PDE8B: variants seen among roughly 807,000 people sequenced by gnomAD.
PDE8B encodes the protein high affinity cAMP-specific and IBMX-insensitive 3',5'-cyclic phosphodiesterase 8B.
Under a neutral mutation model 101.3 loss-of-function variants are expected in PDE8B, and 26 were observed. That is an observed-to-expected ratio of 0.26 (90% confidence interval 0.19 to 0.36). PDE8B has a LOEUF of 0.36. Ranked by LOEUF, PDE8B falls within the 10% of genes least tolerant of loss-of-function variation. The pLI, the probability that PDE8B is intolerant of heterozygous loss-of-function variation, is 1.00. For synonymous variants in PDE8B, 424 were observed against 429.3 expected (o/e 0.99, Z 0.15); for missense variants, 810 against 1,163.1 (o/e 0.70, Z 4.42).
At chr5:77,125,150 G>A in the PDE8B span, among the ~76,000 whole-genome samples, 2 of 152,120 alleles carry the variant, frequency 1.3e-5, no homozygotes, top group Non-Finnish European at 2.9e-5. Context: ...GCACCGCCAT[G>A]CCAGCTAAAT....
At chr5:77,414,006 C>T (rs372174697) in intron 17 of PDE8B, among the ~76,000 whole-genome samples, 1 of 152,186 alleles carries the variant, frequency 6.6e-6, no homozygotes, top group Non-Finnish European at 1.5e-5. Flanking sequence ...TTTGCTACAA[C>T]TAGAACTAAA....
chr5:77,326,396 C>A (rs1368663057), intron 3 of PDE8B, among the ~76,000 whole-genome samples: 2 of 152,176 alleles, frequency 1.3e-5, no homozygotes, highest in Non-Finnish European at 2.9e-5. Context: ...AATGCTAGAC[C>A]AAGACAGAGT....
intron 11 of PDE8B, among the ~76,000 whole-genome samples, chr5:77,403,846 T>C (rs914098774): frequency 1.3e-5 from 2 of 152,190 alleles, no homozygotes; most frequent in South Asian, 4.2e-4. Flanking sequence ...GAGACAGAGT[T>C]TCACTCTTTT....
chr5:77,246,295 TG>T (rs1159147129), intron 1 of PDE8B, among the ~76,000 whole-genome samples: 1 of 152,110 alleles, frequency 6.6e-6, no homozygotes, highest in Non-Finnish European at 1.5e-5. Flanking sequence ...CTTGTGGGCG[TG>T]GGGGGTTCCC....
chr5:77,206,952 T>C (rs894313010), upstream of PDE8B, among the ~76,000 whole-genome samples: 4 of 152,234 alleles, frequency 2.6e-5, 1 homozygote, highest in Admixed American at 2.0e-4. Context: ...CTGGAGATCA[T>C]CTAGGAAATT....
intron 4 of PDE8B, 153 bp from the exon 5 acceptor site, chr5:77,331,248 TC>T (rs1777063234): frequency 1.3e-6 from 1 of 757,410 alleles, no homozygotes; most frequent in Non-Finnish European, 2.4e-6. Context: ...GGGGTCTGTA[TC>T]CTTGAAGGCA....
At chr5:77,255,900 G>T (rs1314257206) in intron 1 of PDE8B, among the ~76,000 whole-genome samples, 1 of 152,202 alleles carries the variant, frequency 6.6e-6, no homozygotes, top group Non-Finnish European at 1.5e-5. Context: ...TGGACTCTGG[G>T]AAGGGGAAAT....
the PDE8B span, among the ~76,000 whole-genome samples, chr5:77,161,120 A>G: frequency 6.6e-6 from 1 of 152,220 alleles, no homozygotes; most frequent in Non-Finnish European, 1.5e-5. Flanking sequence ...CATTTAAAGT[A>G]TATAATTCAG....
chr5:77,258,529 AACTGAAAACAGTAGGTG>A (rs1449057751), intron 1 of PDE8B, among the ~76,000 whole-genome samples: 1 of 152,128 alleles, frequency 6.6e-6, no homozygotes, highest in Non-Finnish European at 1.5e-5. Flanking sequence ...CACAGCCTAA[AACTGAAAACAGTAGGTG>A]ACAAAGAACC....
chr5:77,372,460 CCTT>C (rs753686801), intron 10 of PDE8B, among the ~76,000 whole-genome samples: 10 of 152,294 alleles, frequency 6.6e-5, no homozygotes, highest in South Asian at 4.1e-4. Context: ...AATATTCCCT[CCTT>C]CTCTATTTTC....
the PDE8B span, among the ~76,000 whole-genome samples, chr5:77,116,565 A>G: frequency 1.3e-5 from 2 of 152,182 alleles, no homozygotes. Context: ...TTCTAAGGAC[A>G]CAGTTTTAAT....
rs140369075 is a variant in PDE8B at position 77,391,284 on chromosome 5, G to A, written c.1168-8964G>A. ...TCAGCTTCAGTGAAAACCCAGCACC[G>A]CTGGGGTGTGACAGGGGAAGGTCTG... is the stretch of plus-strand genomic sequence containing the variant. On this transcript the variant is annotated intron_variant, in intron 10 of 21. Coordinates refer to ENST00000264917, the MANE Select transcript of PDE8B (RefSeq NM_003719.5). 1.9e-3 allele frequency among the ~76,000 whole-genome samples: 285 copies of A among 152,298 alleles called. 4 individuals are homozygous for A. The highest frequency in any genetic ancestry group is 6.3e-3 in the African/African-American group (263 of 41,558).
At chr5:77,396,346 C>T (rs1415037935) in intron 10 of PDE8B, among the ~76,000 whole-genome samples, 2 of 152,220 alleles carry the variant, frequency 1.3e-5, no homozygotes, top group South Asian at 2.1e-4. Context: ...GACAGACCCA[C>T]ATTTGAGCTT....
chr5:77,116,230 T>A, the PDE8B span, among the ~76,000 whole-genome samples: 322 of 30,788 alleles, frequency 0.01, no homozygotes, highest in Middle Eastern at 0.014. Context: ...ATATATTTTT[T>A]TTTTTTTTTT....
chr5:77,403,471 C>T (rs1430678114), intron 11 of PDE8B, among the ~76,000 whole-genome samples: 3 of 152,020 alleles, frequency 2.0e-5, no homozygotes, highest in Non-Finnish European at 4.4e-5. Context: ...GAATTAATCT[C>T]GTAATTTAAA....
At chr5:77,247,604 G>A (rs1258690617) in intron 1 of PDE8B, among the ~76,000 whole-genome samples, 2 of 152,056 alleles carry the variant, frequency 1.3e-5, no homozygotes, top group African/African-American at 2.4e-5. Context: ...TCGGGCTGGG[G>A]CTCTGCACAC....
the PDE8B span, among the ~76,000 whole-genome samples, chr5:77,123,144 G>A: frequency 1.3e-5 from 2 of 152,138 alleles, no homozygotes; most frequent in South Asian, 4.1e-4. Context: ...CAGTTCTGAA[G>A]GCTGAAAGTC....
Position 77,424,134 on chromosome 5 carries a change from A to C in PDE8B, c.2419-1633A>C, listed in dbSNP as rs1233196332. On this transcript the variant is annotated intron_variant, in intron 20 of 21. Transcript: ENST00000264917. ...AGGATCAAATGACTCCTTGAACACCAGTGGATATTTTAAGGCTGCTTGATC... is the reference window on the plus strand; with the variant it reads ...AGGATCAAATGACTCCTTGAACACCCGTGGATATTTTAAGGCTGCTTGATC... 2.6e-5 allele frequency among the ~76,000 whole-genome samples: 4 copies of C among 152,270 alleles called. No individual in the cohort carries two copies. The East Asian group carries it at 7.7e-4, about 29-fold the overall frequency.
chr5:77,406,314 G>A (rs912450758), intron 12 of PDE8B, among the ~76,000 whole-genome samples: 5 of 152,112 alleles, frequency 3.3e-5, no homozygotes, highest in Non-Finnish European at 7.4e-5. Context: ...TTAAAAAGTG[G>A]CTGACATAGC....
Sources: allele counts gnomAD v4.1 joint callset (sites outside exome capture counted in the v4.1 genomes callset), GRCh38; gene constraint gnomAD v4.1.1; transcripts MANE v1.5; gene names NCBI Gene and HGNC (gene_info 2026-07-23, HGNC 2026-07-21).